NLRP1: variants seen among roughly 807,000 people sequenced by gnomAD.
The protein encoded by NLRP1 is NLR family pyrin domain containing 1, also known as NACHT, LRR and PYD domains-containing protein 1.
A neutral mutation model predicts 136.7 loss-of-function variants in NLRP1; 94 were observed. The ratio of observed to expected loss-of-function variants is 0.69; its 90% CI spans 0.58 to 0.82. NLRP1 has a LOEUF of 0.82. Ranked by LOEUF, NLRP1 falls within the 40% of genes least tolerant of loss-of-function variation. The pLI is 0.00. For synonymous variants in NLRP1, 690 were observed against 725.1 expected, an observed-to-expected ratio of 0.95 and a Z score of 0.78; for missense variants, 1,575 against 1,802.7, an observed-to-expected ratio of 0.87 and a Z score of 2.29.
chr17:5,565,326 C>T (rs933803503), intron 3 of NLRP1, among the ~76,000 whole-genome samples: 8 of 152,060 alleles, frequency 5.3e-5, no homozygotes, highest in Non-Finnish European at 8.8e-5. Flanking sequence ...ATTTTTTGAT[C>T]GAATTTTAGA....
At chr17:5,543,080 T>A (rs1275532639) in intron 5 of NLRP1, among the ~76,000 whole-genome samples, 1 of 152,142 alleles carries the variant, frequency 6.6e-6, no homozygotes. Flanking sequence ...TCCACCCACC[T>A]CAGCCTCCCA....
rs1011935134 is a variant in NLRP1 at position 5,537,177 on chromosome 17, T to G, written c.2871-237A>C. Among the ~76,000 whole-genome samples the G allele has an allele frequency of 2.6e-5, 4 of 152,184 alleles. No individual in the cohort carries two copies. Among genetic ancestry groups the G allele is most frequent in the Non-Finnish European group, 5.9e-5 (4 of 68,006 alleles). On this transcript the variant is annotated intron_variant, in intron 7 of 16. Transcript: ENST00000572272. The surrounding 1 kb of genome is among the most constrained non-coding windows in gnomAD (Gnocchi z 4.5). ...GGGAGACGTGGGCTGTGAGGCAGTC[T>G]CCAATGGAGGCCTCAGCCAACTCTG...
intron 3 of NLRP1, among the ~76,000 whole-genome samples, chr17:5,562,033 G>T (rs924508226): frequency 6.6e-6 from 1 of 152,164 alleles, no homozygotes; most frequent in Non-Finnish European, 1.5e-5. Context: ...AATTCTGTCT[G>T]AATCCGGCTG....
intron 10 of NLRP1, 54 bp downstream of exon 10, chr17:5,533,250 T>G (rs199661773): frequency 1.0e-5 from 16 of 1,551,172 alleles, no homozygotes; most frequent in Non-Finnish European, 1.4e-5. Flanking sequence ...GGTGGGCAGG[T>G]TGAGAGAGAA....
chr17:5,509,392 C>T (rs979137545), downstream of NLRP1, among the ~76,000 whole-genome samples: 2 of 152,164 alleles, frequency 1.3e-5, no homozygotes, highest in Admixed American at 6.5e-5. Context: ...GTGTGCATGG[C>T]TCAAAGTTTA....
downstream of NLRP1, among the ~76,000 whole-genome samples, chr17:5,510,073 C>CTTTT (rs899981503): frequency 0.025 from 3,621 of 147,164 alleles, 137 homozygotes; most frequent in African/African-American, 0.084. Flanking sequence ...TCTTCTTCTT[C>CTTTT]TTTTTTTTTT....
At chr17:5,523,584 T>A (rs1308645785) in intron 12 of NLRP1, among the ~76,000 whole-genome samples, 2 of 152,194 alleles carry the variant, frequency 1.3e-5, no homozygotes, top group Non-Finnish European at 2.9e-5. Flanking sequence ...GATTGCAGTC[T>A]CTGACCAGCG....
chr17:5,545,310 C>A (rs188854056), intron 5 of NLRP1, among the ~76,000 whole-genome samples: 2 of 149,782 alleles, frequency 1.3e-5, no homozygotes, highest in East Asian at 4.0e-4. Context: ...CCCAATTCCC[C>A]CTGTCTCTCT....
intron 14 of NLRP1, among the ~76,000 whole-genome samples, chr17:5,519,171 G>A (rs1397443263): frequency 2.0e-5 from 3 of 151,662 alleles, no homozygotes; most frequent in Non-Finnish European, 4.4e-5. Flanking sequence ...CTCGGCTAAA[G>A]TTTTGTATTT....
chr17:5,517,212 C>G (rs1908227443), intron 15 of NLRP1, among the ~76,000 whole-genome samples: 1 of 152,082 alleles, frequency 6.6e-6, no homozygotes. Context: ...TGGGAGAGAA[C>G]ATAAATTTTA....
At chr17:5,509,796 C>T (rs1439429670), downstream of NLRP1, among the ~76,000 whole-genome samples, 2 of 152,110 alleles carry the variant, frequency 1.3e-5, no homozygotes, top group Non-Finnish European at 2.9e-5. Flanking sequence ...TGAGTCACCT[C>T]GCCCAGCCAA....
chr17:5,545,044 C>T (rs1159714932), intron 5 of NLRP1, among the ~76,000 whole-genome samples: 4 of 152,152 alleles, frequency 2.6e-5, no homozygotes, highest in South Asian at 2.1e-4. Flanking sequence ...CTCCAAAAAT[C>T]TCTGTCTTTC....
intron 5 of NLRP1, among the ~76,000 whole-genome samples, chr17:5,548,885 T>C (rs1411174412): frequency 6.6e-6 from 1 of 152,206 alleles, no homozygotes; most frequent in Non-Finnish European, 1.5e-5. Context: ...GGCTCTTCTT[T>C]GGCCATTAAA....
chr17:5,510,902 C>T (rs73973823), downstream of NLRP1, among the ~76,000 whole-genome samples: 18,128 of 152,104 alleles, frequency 0.12, 1,623 homozygotes, highest in African/African-American at 0.26. Context: ...ACAACAGCCT[C>T]AGGCTCAAAG....
At chr17:5,539,633 C>A in intron 6 of NLRP1, 48 bp from the exon 7 acceptor site, 1 of 1,503,990 alleles carries the variant, frequency 6.6e-7, no homozygotes, top group Admixed American at 2.3e-5. Flanking sequence ...TAAGGGCTCG[C>A]TCTTCAGGGT....
At chr17:5,556,194 G>A (rs1465570687) in intron 4 of NLRP1, among the ~76,000 whole-genome samples, 1 of 151,104 alleles carries the variant, frequency 6.6e-6, no homozygotes, top group African/African-American at 2.4e-5. Context: ...TCACATCTGT[G>A]ATCCCAGCAC....
rs769192656 is a variant in NLRP1, at chr17:5,541,980, A to T, written c.2576T>A (p.Phe859Tyr). The T allele has an allele frequency of 1.2e-6, 2 of 1,614,142 alleles. No homozygotes were observed. ...CAGGGTCTGGTTGGCTCTCAGCCCAAAGGCAAGGTCCTTGCAGTCCTCAGC... is the reference window on the plus strand; with the variant it reads ...CAGGGTCTGGTTGGCTCTCAGCCCATAGGCAAGGTCCTTGCAGTCCTCAGC... ...LTAEDCKDLAFGLRANQTLTE... is the reference protein window; with the variant it reads ...LTAEDCKDLAYGLRANQTLTE... The change falls in exon 6 of 17, where the codon TTT becomes TAT. Residue 859 changes from phenylalanine (F) to tyrosine (Y), a missense_variant. Transcript: ENST00000572272. This position sits in a 1 kb window ranked among gnomAD's most constrained non-coding sequence, Gnocchi z 4.2.
chr17:5,535,843 T>G lies in NLRP1; in HGVS notation c.2960+1008A>C, dbSNP rs559680001. 3.9e-5 allele frequency among the ~76,000 whole-genome samples: 6 copies of G among 152,302 alleles called. No homozygotes were observed. In the South Asian group the frequency reaches 1.2e-3, roughly 32 times the overall value. On this transcript the variant is annotated intron_variant, in intron 8 of 16. Transcript: ENST00000572272. Reference sequence around the variant, plus strand: ...CACCCAACTGGGAGAATGTGGGAGCTGCAGCAGATTCCTCGGGGAAGGGAA... The same window carrying G: ...CACCCAACTGGGAGAATGTGGGAGCGGCAGCAGATTCCTCGGGGAAGGGAA...
intron 3 of NLRP1, among the ~76,000 whole-genome samples, chr17:5,562,246 T>C (rs552349738): frequency 6.6e-6 from 1 of 152,370 alleles, no homozygotes; most frequent in Non-Finnish European, 1.5e-5. Flanking sequence ...CACCCACTTC[T>C]GCAGATCCTA....
Sources: gnomAD v4.1 joint callset for allele counts (sites outside exome capture counted in the v4.1 genomes callset) on GRCh38, gnomAD v4.1.1 for gene constraint, Gnocchi (gnomAD v3.1) non-coding constraint, MANE v1.5 for transcripts, NCBI Gene and HGNC (gene_info 2026-07-23, HGNC 2026-07-21) for gene names.